CAPN14: variants seen among roughly 807,000 people sequenced by gnomAD.
The protein encoded by CAPN14 is calpain 14.
A neutral mutation model predicts 101.3 loss-of-function variants in CAPN14; 94 were observed. The ratio of observed to expected loss-of-function variants is 0.93; its 90% CI spans 0.79 to 1.10. The LOEUF (loss-of-function observed/expected upper bound fraction) is 1.10, where lower values mean the gene tolerates loss of function less well. Ranked by LOEUF, CAPN14 falls within the 50% of genes least tolerant of loss-of-function variation. The pLI is 0.00. For missense variants in CAPN14, 837 were observed against 828.4 expected (o/e 1.01, Z -0.13); for synonymous variants, 338 against 317.9 (o/e 1.06, Z -0.67).
chr2:31,198,063 A>G (rs1234068062), intron 7 of CAPN14, among the ~76,000 whole-genome samples: 2 of 152,224 alleles, frequency 1.3e-5, no homozygotes, highest in African/African-American at 4.8e-5. Context: ...TTGGGACCCC[A>G]AAATCACTAA....
chr2:31,192,415 G>A (rs1452600536), intron 10 of CAPN14, among the ~76,000 whole-genome samples: 2 of 152,188 alleles, frequency 1.3e-5, no homozygotes, highest in Admixed American at 6.5e-5. Flanking sequence ...ACTCCCTGGG[G>A]AGGTGACCAT....
intron 16 of CAPN14, among the ~76,000 whole-genome samples, chr2:31,183,717 G>A (rs1476700489): frequency 6.6e-6 from 1 of 152,028 alleles, no homozygotes; most frequent in Non-Finnish European, 1.5e-5. Flanking sequence ...GGAGAAATAG[G>A]AACATTTTTA....
upstream of CAPN14, among the ~76,000 whole-genome samples, chr2:31,217,746 G>C (rs552492971): frequency 6.6e-6 from 1 of 152,262 alleles, no homozygotes; most frequent in African/African-American, 2.4e-5. Context: ...GAGAGAGTTA[G>C]TCATCTTCTC....
At chr2:31,209,388 A>T (rs1323499580) in intron 1 of CAPN14, among the ~76,000 whole-genome samples, 1 of 152,116 alleles carries the variant, frequency 6.6e-6, no homozygotes, top group Non-Finnish European at 1.5e-5. Context: ...GAAGGGCGTT[A>T]TGATGGTGAG....
intron 1 of CAPN14, among the ~76,000 whole-genome samples, chr2:31,228,611 C>T (rs1481921808): frequency 6.6e-6 from 1 of 152,178 alleles, no homozygotes; most frequent in Non-Finnish European, 1.5e-5. Flanking sequence ...CTATTAAATA[C>T]TAAGCTTATT....
At chr2:31,233,881 C>T (rs1363112174), upstream of CAPN14, 1 of 152,386 alleles carries the variant, frequency 6.6e-6, no homozygotes, top group Non-Finnish European at 1.5e-5. Context: ...TCCTCGCAGC[C>T]GTCCCTGAGA....
In CAPN14 at chr2:31,189,454, G is replaced by A. The variant is rs1287761861; in HGVS notation, c.1312C>T (p.Pro438Ser). ...GTGTTTCTCTGGAAGAACTCAGGGG[G>A]CAGTCTCCTCTGGTCATCATGGTAC... is the stretch of plus-strand genomic sequence containing the variant. Reference protein sequence around the residue: ...NKYHDDQRRLPPEFFQRNTPL... With the variant: ...NKYHDDQRRLSPEFFQRNTPL... The change falls in exon 13 of 22, where the codon CCC becomes TCC. Residue 438 changes from proline (P) to serine (S), a missense_variant. Pro to Ser is a moderately conservative substitution (Grantham distance 74). Transcript: ENST00000403897. 2.6e-6 allele frequency: 4 copies of A among 1,551,412 alleles called. No homozygotes were observed. Among genetic ancestry groups the A allele is most frequent in the African/African-American group, 1.4e-5 (1 of 73,030 alleles).
At chr2:31,218,247 A>C (rs1682741484), upstream of CAPN14, among the ~76,000 whole-genome samples, 3 of 116,410 alleles carry the variant, frequency 2.6e-5, no homozygotes, top group Admixed American at 9.5e-5. Context: ...CCACCCCCAA[A>C]TCCTTCTCCT....
At chr2:31,202,032 A>G in intron 4 of CAPN14, 34 bp from the exon 5 acceptor site, 1 of 1,550,550 alleles carries the variant, frequency 6.4e-7, no homozygotes, top group South Asian at 1.2e-5. Flanking sequence ...GTGAATGAGG[A>G]CTGCTGCAGA....
At chr2:31,194,008 G>T (rs1440792086) in intron 9 of CAPN14, among the ~76,000 whole-genome samples, 2 of 152,136 alleles carry the variant, frequency 1.3e-5, no homozygotes, top group Non-Finnish European at 2.9e-5. Flanking sequence ...CCCAGAGTGG[G>T]TGGCAGTGTT....
intron 1 of CAPN14, among the ~76,000 whole-genome samples, chr2:31,216,822 G>A (rs1041915722): frequency 4.6e-5 from 7 of 152,128 alleles, no homozygotes; most frequent in South Asian, 4.1e-4. Context: ...GGGCAATTTC[G>A]AGATTTCTAA....
Position 31,176,621 on chromosome 2 carries a change from T to G in CAPN14, c.1994A>C (p.Gln665Pro), listed in dbSNP as rs1395230217. ...NMEDVFQNLT[Q>P]DGKGIYLQKP... ...CTGGAGGTATATCCCTTTGCCATCT[T>G]GGGTTAAGTTTTGGAAGACATCTGT... The change falls in exon 21 of 22, where the codon CAA becomes CCA. Residue 665 changes from glutamine (Q) to proline (P), a missense_variant. By Grantham distance (76) the Gln-to-Pro change is moderately conservative (BLOSUM62 -1). Coordinates refer to ENST00000403897, the MANE Select transcript of CAPN14 (RefSeq NM_001145122.2). 7 of 1,551,624 alleles carry G rather than the reference T, an allele frequency of 4.5e-6. No individual in the cohort carries two copies. In the East Asian group the frequency reaches 1.5e-4, roughly 32 times the overall value.
At chr2:31,177,557 C>T (rs922337480) in intron 19 of CAPN14, among the ~76,000 whole-genome samples, 189 bp downstream of exon 19, 5 of 152,210 alleles carry the variant, frequency 3.3e-5, no homozygotes, top group Non-Finnish European at 7.3e-5. Context: ...TGTGCCACCC[C>T]TCCATCAATG....
intron 21 of CAPN14, 85 bp from the exon 22 acceptor site, chr2:31,174,792 T>C (rs1680212813): frequency 3.0e-6 from 4 of 1,316,688 alleles, no homozygotes; most frequent in Admixed American, 4.0e-5. Flanking sequence ...TGGGGAGCCA[T>C]GGAGACAGAA....
upstream of CAPN14, among the ~76,000 whole-genome samples, chr2:31,219,264 T>C (rs991189163): frequency 2.0e-5 from 3 of 151,842 alleles, no homozygotes; most frequent in Non-Finnish European, 4.4e-5. Context: ...AAAGTTATTG[T>C]CCTGGGTGAC....
intron 16 of CAPN14, among the ~76,000 whole-genome samples, chr2:31,183,363 G>A (rs546472810): frequency 6.6e-6 from 1 of 152,278 alleles, no homozygotes; most frequent in East Asian, 1.9e-4. Context: ...AAGAGCTTCT[G>A]CACAGCAAAA....
chr2:31,177,276 G>A (rs1409206588), intron 19 of CAPN14, 134 bp from the exon 20 acceptor site: 2 of 607,576 alleles, frequency 3.3e-6, no homozygotes, highest in African/African-American at 1.9e-5. Flanking sequence ...CTTTTATAGG[G>A]TTCATTTTGA....
At position 31,197,305 on chromosome 2, in the gene CAPN14, G is replaced by A. The variant is rs374113994; in HGVS notation, c.819C>T (p.Leu273=). The A allele has an allele frequency of 8.6e-5, 133 of 1,550,862 alleles. No homozygotes were observed. Among genetic ancestry groups the A allele is most frequent in the Non-Finnish European group, 1.1e-4 (125 of 1,146,054 alleles). ...TTCCCCAGGGGTTCCGTAGCTTGAC[G>A]AGATATTCAGGTCTATGTTTGCAGG... ...KVTCKHRPEY[L]VKLRNPWGKV... is the part of the protein sequence containing the mutation. Residue 273 remains leucine, a synonymous_variant, in exon 8 of 22, where the codon CTC becomes CTT. Transcript: ENST00000403897.
intron 2 of CAPN14, among the ~76,000 whole-genome samples, chr2:31,204,738 G>T (rs1558628906): frequency 6.6e-6 from 1 of 152,142 alleles, no homozygotes; most frequent in Non-Finnish European, 1.5e-5. Context: ...TCTTCCACCT[G>T]GCTGTCATCT....
Sources: allele counts gnomAD v4.1 joint callset (sites outside exome capture counted in the v4.1 genomes callset), GRCh38; gene constraint gnomAD v4.1.1; transcripts MANE v1.5; gene names NCBI Gene and HGNC (gene_info 2026-07-23, HGNC 2026-07-21).